STRA8: variants seen among roughly 807,000 people sequenced by gnomAD.
The protein encoded by STRA8 is stimulated by retinoic acid gene 8 protein homolog.
Under a neutral mutation model 37.1 loss-of-function variants are expected in STRA8, and 18 were observed. That is an observed-to-expected ratio of 0.48 (90% CI 0.34 to 0.72). The LOEUF (loss-of-function observed/expected upper bound fraction) is 0.72, where lower values mean the gene tolerates loss of function less well. Ranked by LOEUF, STRA8 falls within the 30% of genes least tolerant of loss-of-function variation. The probability of loss-of-function intolerance (pLI) is 0.01; values close to 1 mark genes in which losing one functional copy is unlikely to be tolerated. For missense variants in STRA8, 357 were observed against 410.4 expected (o/e 0.87, Z 1.13); for synonymous variants, 168 against 162.9 (o/e 1.03, Z -0.24).
chr7:135,238,356 G>A (rs1460458862), intron 1 of STRA8, among the ~76,000 whole-genome samples: 2 of 152,168 alleles, frequency 1.3e-5, no homozygotes, highest in Non-Finnish European at 2.9e-5. Flanking sequence ...GAGGCGACTG[G>A]TGGGAAGTCT....
intron 6 of STRA8, among the ~76,000 whole-genome samples, chr7:135,250,363 G>A (rs1388580062): frequency 6.6e-6 from 1 of 152,158 alleles, no homozygotes; most frequent in African/African-American, 2.4e-5. Flanking sequence ...GGCCTGCCAG[G>A]GAGCAACATG....
Position 135,246,861 on chromosome 7 carries a change from T to C in STRA8, c.879+159T>C, listed in dbSNP as rs2117808057. ...TTTCTTTTTTCTCTTTTTTTTTTTT[T>C]TGAGACGGAGTCTCGCTCTGTCGCC... is the stretch of plus-strand genomic sequence containing the variant. On this transcript the variant is annotated intron_variant, in intron 6 of 8. Coordinates refer to ENST00000662584, the MANE Select transcript of STRA8 (RefSeq NM_001394401.1). This position sits in a 1 kb window ranked among gnomAD's most constrained non-coding sequence, Gnocchi z 5.4. 2.6e-6 allele frequency: 2 copies of C among 770,226 alleles called. No homozygotes were observed. The highest frequency in any genetic ancestry group is 3.9e-6 in the Non-Finnish European group (2 of 510,870). The allele number at this position is 770,226 out of a possible 1,614,324, so 47.7% of individuals were successfully genotyped here.
chr7:135,240,421 GTACCT>G, intron 1 of STRA8, 93 bp from the exon 2 acceptor site: 1 of 1,205,728 alleles, frequency 8.3e-7, no homozygotes, highest in Non-Finnish European at 1.2e-6. Flanking sequence ...CTTGGGAAGG[GTACCT>G]CCTTTCTGCC....
upstream of STRA8, chr7:135,232,099 C>G: frequency 6.1e-5 from 51 of 836,280 alleles, no homozygotes; most frequent in East Asian, 1.2e-4. Context: ...TGCACATCTG[C>G]TTGTGTGTGT....
chr7:135,243,365 A>G lies in STRA8; in HGVS notation c.308A>G (p.Glu103Gly). The change falls in exon 4 of 9, where the codon GAG becomes GGG. Residue 103 changes from glutamate to glycine, a missense_variant. Transcript: ENST00000662584. ...GAAGATGGGCATGCAAGCAGCTTAG[A>G]GGAGGTCAAGAAAGAATATGCCAGC... ...NLEDGHASSL[E>G]EVKKEYASMY... is the part of the protein sequence containing the mutation. The G allele has an allele frequency of 6.2e-7, 1 of 1,614,164 alleles. No individual in the cohort carries two copies. The highest frequency in any genetic ancestry group is 8.5e-7 in the Non-Finnish European group (1 of 1,180,008).
intron 8 of STRA8, among the ~76,000 whole-genome samples, chr7:135,257,115 T>C (rs541084343): frequency 1.9e-4 from 29 of 152,158 alleles, no homozygotes; most frequent in Non-Finnish European, 2.8e-4. Context: ...GCATGGTGAA[T>C]GGGAACTGCT....
At chr7:135,236,456 A>T (rs1832380336) in intron 1 of STRA8, among the ~76,000 whole-genome samples, 1 of 152,044 alleles carries the variant, frequency 6.6e-6, no homozygotes, top group Non-Finnish European at 1.5e-5. Context: ...TCTCTGCATC[A>T]TCCTTAAGAT....
intron 1 of STRA8, among the ~76,000 whole-genome samples, chr7:135,239,071 T>C (rs1028090073): frequency 3.3e-5 from 5 of 152,212 alleles, no homozygotes; most frequent in African/African-American, 1.2e-4. Flanking sequence ...TGAGAAGTTG[T>C]TTTCTGAGCT....
At position 135,241,041 on chromosome 7, in the gene STRA8, C is replaced by A. The variant is rs565762136; in HGVS notation, c.192+325C>A. ...CCCTCAGGACTCTTTTATAAGGGCA[C>A]CAATCACCTTAATCACCTTCCAAAA... On this transcript the variant is annotated intron_variant, in intron 2 of 8. Transcript: ENST00000662584. Among the ~76,000 whole-genome samples, 6 of 152,198 alleles carry A rather than the reference C, an allele frequency of 3.9e-5. No individual in the cohort carries two copies. In the South Asian group the frequency reaches 1.2e-3, roughly 32 times the overall value.
chr7:135,239,738 G>T (rs1045548437), intron 1 of STRA8, among the ~76,000 whole-genome samples: 2 of 152,148 alleles, frequency 1.3e-5, no homozygotes, highest in African/African-American at 4.8e-5. Context: ...AGGGCTTCTG[G>T]CTTGTAAGCT....
At chr7:135,232,015 A>C (rs1235597855), upstream of STRA8, 1 of 1,613,942 alleles carries the variant, frequency 6.2e-7, no homozygotes, top group African/African-American at 1.3e-5. Context: ...CCTCTTTTTC[A>C]ATCAAGAAAT....
rs1000479062 is a variant in STRA8, at chr7:135,258,324, G to T, written c.1066-94G>T. On this transcript the variant is annotated intron_variant, in intron 8 of 8. Coordinates refer to ENST00000662584, the MANE Select transcript of STRA8 (RefSeq NM_001394401.1). ...AAGAGACGTAGGATAGAGTCTGGGG[G>T]CTGGGCACACCGGAGATGCAGGAGC... The T allele has an allele frequency of 4.0e-6, 4 of 1,011,028 alleles. No individual in the cohort carries two copies. In the East Asian group the frequency reaches 8.0e-5, roughly 20 times the overall value. 62.6% of individuals were successfully genotyped at this position (1,011,028 alleles called of 1,614,324 possible).
chr7:135,255,240 AG>A lies in STRA8; in HGVS notation c.1065+18del. On this transcript the variant is annotated intron_variant, in intron 8 of 8. Transcript: ENST00000662584. Reference sequence around the variant, plus strand: ...AAGTAAAGCAGGTAGGATGGAGTAGAGGGCCGTGGTACCTCTGCCCACCTTG... The same window carrying A: ...AAGTAAAGCAGGTAGGATGGAGTAGAGGCCGTGGTACCTCTGCCCACCTTG... 1 of 1,599,644 alleles carries A rather than the reference AG, an allele frequency of 6.3e-7. No homozygotes were observed. Among genetic ancestry groups the A allele is most frequent in the African/African-American group, 1.3e-5 (1 of 74,702 alleles).
intron 5 of STRA8, among the ~76,000 whole-genome samples, chr7:135,245,755 GCACATA>G (rs1832542026): frequency 6.6e-6 from 1 of 152,224 alleles, no homozygotes; most frequent in South Asian, 2.1e-4. Context: ...CATTAGCATA[GCACATA>G]CACTCATACA....
chr7:135,236,531 A>C (rs1832381087), intron 1 of STRA8, among the ~76,000 whole-genome samples: 1 of 152,164 alleles, frequency 6.6e-6, no homozygotes, highest in African/African-American at 2.4e-5. Context: ...TTAGATGCCC[A>C]AACATTCACA....
At chr7:135,234,094 G>T (rs6950831) in intron 1 of STRA8, among the ~76,000 whole-genome samples, 191 bp downstream of exon 1, 61,405 of 147,238 alleles carry the variant, frequency 0.42, 14,114 homozygotes, top group East Asian at 0.74. Context: ...TGATGATGAT[G>T]ATGATGATGA....
intron 4 of STRA8, among the ~76,000 whole-genome samples, chr7:135,244,569 A>AT (rs912301407): frequency 9.9e-5 from 15 of 152,220 alleles, no homozygotes; most frequent in African/African-American, 3.6e-4. Context: ...TAAGTATGTC[A>AT]TTTTTTCATG....
chr7:135,242,198 G>A, intron 2 of STRA8, among the ~76,000 whole-genome samples: 1 of 121,140 alleles, frequency 8.3e-6, no homozygotes, highest in Admixed American at 8.1e-5. Flanking sequence ...GGAAGGAAGG[G>A]GGAGGGAGGG....
chr7:135,247,400 A>G (rs1348929402), intron 6 of STRA8, among the ~76,000 whole-genome samples: 1 of 152,124 alleles, frequency 6.6e-6, no homozygotes, highest in Non-Finnish European at 1.5e-5. Flanking sequence ...TCAGTTTCTT[A>G]TCTTTCCCTG....
Sources: allele counts gnomAD v4.1 joint callset (sites outside exome capture counted in the v4.1 genomes callset), GRCh38; gene constraint gnomAD v4.1.1; non-coding constraint Gnocchi (gnomAD v3.1); transcripts MANE v1.5; gene names NCBI Gene and HGNC (gene_info 2026-07-23, HGNC 2026-07-21).